KLF12: variants seen among roughly 807,000 people sequenced by gnomAD.
The protein encoded by KLF12 is Krueppel-like factor 12.
In KLF12, 9 loss-of-function variants were observed where a neutral mutation model predicts 37.8. The ratio of observed to expected loss-of-function variants is 0.24; its 90% CI spans 0.14 to 0.42. The LOEUF (loss-of-function observed/expected upper bound fraction) is 0.42. Among genes scored for constraint, KLF12 ranks in the 10% least tolerant of loss-of-function variants. The probability of loss-of-function intolerance (pLI) is 1.00; values close to 1 mark genes in which losing one functional copy is unlikely to be tolerated. For synonymous variants in KLF12, 208 were observed against 202.1 expected (o/e 1.03, Z -0.25); for missense variants, 411 against 516.0 (o/e 0.80, Z 1.97).
At chr13:73,835,665 C>A (rs1332343303) in intron 4 of KLF12, among the ~76,000 whole-genome samples, 1 of 152,020 alleles carries the variant, frequency 6.6e-6, no homozygotes, top group Non-Finnish European at 1.5e-5. Flanking sequence ...GGACAGGAAC[C>A]ACAGTAAGAA....
intron 2 of KLF12, among the ~76,000 whole-genome samples, chr13:73,992,387 G>A (rs1891991665): frequency 6.6e-6 from 1 of 152,220 alleles, no homozygotes; most frequent in African/African-American, 2.4e-5. Flanking sequence ...ACAAATCCAA[G>A]TGCAATGAAG....
the KLF12 span, among the ~76,000 whole-genome samples, chr13:74,216,876 C>T: frequency 6.6e-6 from 1 of 152,162 alleles, no homozygotes; most frequent in Non-Finnish European, 1.5e-5. Flanking sequence ...GCACTTCTAC[C>T]TCTGAAGTAG....
chr13:74,202,724 A>T, the KLF12 span, among the ~76,000 whole-genome samples: 1 of 152,138 alleles, frequency 6.6e-6, no homozygotes, highest in African/African-American at 2.4e-5. Flanking sequence ...AAATTATGGA[A>T]GGAACTAATC....
the KLF12 span, among the ~76,000 whole-genome samples, chr13:74,235,319 A>G: frequency 2.6e-5 from 4 of 152,366 alleles, no homozygotes; most frequent in East Asian, 5.8e-4. Flanking sequence ...GTTAAATGAG[A>G]TAACATGTGT....
At position 73,777,184 on chromosome 13, in the gene KLF12, G is replaced by A. The variant is rs148107169; in HGVS notation, c.807-12184C>T. Among the ~76,000 whole-genome samples the A allele has an allele frequency of 5.2e-3, 792 of 152,292 alleles. 5 individuals carry two copies. Among genetic ancestry groups the A allele is most frequent in the African/African-American group, 0.017 (721 of 41,554 alleles). On this transcript the variant is annotated intron_variant, in intron 5 of 7. Transcript: ENST00000377669. Reference sequence around the variant, plus strand: ...CCTAAGATACAGCTTTTGTGCAGGCGTGGAGAGGCAGCCAGGTATATGAGT... The same window carrying A: ...CCTAAGATACAGCTTTTGTGCAGGCATGGAGAGGCAGCCAGGTATATGAGT...
At chr13:73,790,188 C>T (rs569582786) in intron 5 of KLF12, among the ~76,000 whole-genome samples, 5 of 152,170 alleles carry the variant, frequency 3.3e-5, no homozygotes, top group Non-Finnish European at 7.3e-5. Flanking sequence ...AAAAACAATT[C>T]AGCAATTCAT....
chr13:73,697,389 C>G (rs559947637), intron 7 of KLF12, among the ~76,000 whole-genome samples: 1 of 152,196 alleles, frequency 6.6e-6, no homozygotes, highest in East Asian at 1.9e-4. Flanking sequence ...AAGAAAAAGC[C>G]TACTGCCTGG....
the KLF12 span, among the ~76,000 whole-genome samples, chr13:74,184,361 C>T: frequency 1.3e-5 from 2 of 152,224 alleles, no homozygotes; most frequent in East Asian, 1.9e-4. Context: ...TGACAAACTT[C>T]TGTGAGAGCC....
chr13:74,207,599 C>G, the KLF12 span, among the ~76,000 whole-genome samples: 1 of 152,140 alleles, frequency 6.6e-6, no homozygotes, highest in South Asian at 2.1e-4. Flanking sequence ...TGCTTGAACT[C>G]AGGAGGTGGA....
At chr13:73,964,704 G>A (rs766138453) in intron 2 of KLF12, among the ~76,000 whole-genome samples, 4 of 151,844 alleles carry the variant, frequency 2.6e-5, no homozygotes, top group Admixed American at 6.6e-5. Context: ...TCAGAAGCTG[G>A]ACATGGTGGC....
At chr13:73,741,803 T>C (rs1878005807) in intron 6 of KLF12, among the ~76,000 whole-genome samples, 1 of 152,212 alleles carries the variant, frequency 6.6e-6, no homozygotes, top group Admixed American at 6.5e-5. Flanking sequence ...AATGTTGTTT[T>C]CAAAAAATCT....
At chr13:74,145,600 A>T in the KLF12 span, among the ~76,000 whole-genome samples, 4 of 152,174 alleles carry the variant, frequency 2.6e-5, no homozygotes, top group African/African-American at 9.7e-5. Flanking sequence ...TGGGATCCCT[A>T]TCTCTTACAA....
At chr13:74,293,976 C>T in the KLF12 span, among the ~76,000 whole-genome samples, 2 of 152,308 alleles carry the variant, frequency 1.3e-5, no homozygotes, top group East Asian at 1.9e-4. Context: ...TCCTCCACTA[C>T]CCTCAATGTT....
chr13:74,033,406 T>C (rs1336214278), intron 1 of KLF12, among the ~76,000 whole-genome samples: 3 of 152,230 alleles, frequency 2.0e-5, no homozygotes, highest in Non-Finnish European at 4.4e-5. Context: ...CCCCCTGTTA[T>C]TTCTGTTAAC....
intron 3 of KLF12, among the ~76,000 whole-genome samples, chr13:73,897,961 T>C (rs977544127): frequency 1.3e-5 from 2 of 152,224 alleles, no homozygotes; most frequent in Non-Finnish European, 2.9e-5. Flanking sequence ...TTTCAGATAT[T>C]CTGAACTTTA....
chr13:73,731,693 TTCAGGACC>T (rs1485056059), intron 6 of KLF12, among the ~76,000 whole-genome samples: 2 of 152,162 alleles, frequency 1.3e-5, no homozygotes, highest in Non-Finnish European at 2.9e-5. Flanking sequence ...GAGTTTGTTT[TTCAGGACC>T]TCAAAGAGAT....
At chr13:74,239,936 C>T in the KLF12 span, among the ~76,000 whole-genome samples, 1 of 150,672 alleles carries the variant, frequency 6.6e-6, no homozygotes, top group East Asian at 2.0e-4. Flanking sequence ...GCATTTAGTC[C>T]ATTTACATTT....
In KLF12 at chr13:74,051,917, C is replaced by G. The variant is rs77245283; in HGVS notation, c.-31-56864G>C. ...TCTCCACAAAGAAATTATACATGTT[C>G]GAAGTGATGGATTTGCCAACTACCC... is the stretch of plus-strand genomic sequence containing the variant. On this transcript the variant is annotated intron_variant, in intron 1 of 7. Transcript: ENST00000377669. Among the ~76,000 whole-genome samples the G allele has an allele frequency of 3.9e-3, 600 of 152,076 alleles. 4 individuals carry two copies. Among genetic ancestry groups the G allele is most frequent in the African/African-American group, 0.013 (559 of 41,482 alleles).
At chr13:74,242,482 G>T in the KLF12 span, among the ~76,000 whole-genome samples, 1 of 152,170 alleles carries the variant, frequency 6.6e-6, no homozygotes, top group Non-Finnish European at 1.5e-5. Context: ...AGAATAGTAT[G>T]TGGGAAACTA....
Sources: allele counts gnomAD v4.1 joint callset (sites outside exome capture counted in the v4.1 genomes callset), GRCh38; gene constraint gnomAD v4.1.1; transcripts MANE v1.5; gene names NCBI Gene and HGNC (gene_info 2026-07-23, HGNC 2026-07-21).